The following SYTL2 variants were observed in gnomAD, a reference collection of about 807,000 sequenced individuals.
SYTL2 encodes the protein synaptotagmin-like protein 2.
A neutral mutation model predicts 198.7 loss-of-function variants in SYTL2; 165 were observed. The ratio of observed to expected loss-of-function variants is 0.83; its 90% CI spans 0.73 to 0.94. The LOEUF (loss-of-function observed/expected upper bound fraction) is 0.94. Ranked by LOEUF, SYTL2 falls within the 40% of genes least tolerant of loss-of-function variation. SYTL2 has a pLI of 0.00. For synonymous variants in SYTL2, 966 were observed against 917.7 expected (o/e 1.05, Z -0.95); for missense variants, 2,835 against 2,582.8 (o/e 1.10, Z -2.12).
the SYTL2 span, among the ~76,000 whole-genome samples, chr11:85,846,888 C>T: frequency 6.6e-6 from 1 of 151,810 alleles, no homozygotes; most frequent in East Asian, 1.9e-4. Context: ...GCATGCACCA[C>T]CACACCCAGC....
intron 1 of SYTL2, among the ~76,000 whole-genome samples, chr11:85,780,370 T>G (rs1283126130): frequency 6.6e-6 from 1 of 152,216 alleles, no homozygotes; most frequent in African/African-American, 2.4e-5. Flanking sequence ...AGGTGATAAC[T>G]GGTGGCTGGC....
intron 1 of SYTL2, among the ~76,000 whole-genome samples, chr11:85,768,917 G>A (rs982525664): frequency 2.0e-5 from 3 of 152,128 alleles, no homozygotes; most frequent in Non-Finnish European, 4.4e-5. Context: ...TGGTTCTGCA[G>A]TAACAGCCCT....
rs748449591 is a variant in SYTL2 at position 85,725,751 on chromosome 11, T to C, written c.3607A>G (p.Lys1203Glu). The change falls in exon 8 of 20, where the codon AAG becomes GAG. Residue 1203 changes from lysine (K) to glutamate (E), a missense_variant. Around this residue, in one of 3 missense-constraint regions of SYTL2, gnomAD observed 2,645 missense variants for 2,381.7 expected, o/e 1.11. Coordinates refer to ENST00000359152, the MANE Select transcript of SYTL2 (RefSeq NM_206927.4). ...GCAGTCAAAGAGTTCCGTTTAACCT[T>C]TGGATGAACTACTGTTTTGTCAACA... The part of the protein sequence containing the change: ...EHVDKTVVHP[K>E]VKRNSLTASL... 9 of 1,614,048 alleles carry C rather than the reference T, an allele frequency of 5.6e-6. No homozygotes were observed. In the African/African-American group the frequency reaches 6.7e-5, roughly 12 times the overall value.
chr11:85,747,003 C>T, intron 3 of SYTL2, among the ~76,000 whole-genome samples: 1 of 152,200 alleles, frequency 6.6e-6, no homozygotes, highest in East Asian at 1.9e-4. Flanking sequence ...AATTAAATGC[C>T]TATCCTATAT....
At chr11:85,742,376 C>T (rs141666333) in intron 4 of SYTL2, among the ~76,000 whole-genome samples, 1 of 152,198 alleles carries the variant, frequency 6.6e-6, no homozygotes, top group East Asian at 1.9e-4. Context: ...ACCTCATTTA[C>T]GGACAGGGTC....
chr11:85,806,479 C>T (rs1223727780), intron 1 of SYTL2, among the ~76,000 whole-genome samples: 3 of 152,218 alleles, frequency 2.0e-5, no homozygotes, highest in Admixed American at 6.5e-5. Context: ...TTTAAACCTG[C>T]TTTCATTATA....
In SYTL2 at chr11:85,735,293, A is replaced by C. The variant is rs192523291; in HGVS notation, c.587-551T>G. Among the ~76,000 whole-genome samples, 189 of 152,330 alleles carry C rather than the reference A, an allele frequency of 1.2e-3. 1 individual carries two copies. Among genetic ancestry groups the C allele is most frequent in the African/African-American group, 4.2e-3 (176 of 41,568 alleles). ...ACTGTGCTTTATATAGTTTGTGATT[A>C]TTTTACACCCAATACAGAAAGTTTT... On this transcript the variant is annotated intron_variant, in intron 6 of 19. Coordinates refer to ENST00000359152, the MANE Select transcript of SYTL2 (RefSeq NM_206927.4).
At chr11:85,803,661 A>T (rs1418654099) in intron 1 of SYTL2, among the ~76,000 whole-genome samples, 1 of 152,356 alleles carries the variant, frequency 6.6e-6, no homozygotes, top group East Asian at 1.9e-4. Context: ...GCATGAATAT[A>T]ACATCTTTCC....
chr11:85,714,745 A>T, intron 11 of SYTL2: 1 of 1,113,172 alleles, frequency 9.0e-7, no homozygotes, highest in African/African-American at 1.6e-5. Flanking sequence ...TTAATTTTAA[A>T]AACATTAGTT....
In SYTL2 at chr11:85,707,575, T is replaced by C. The variant is rs753933202; in HGVS notation, c.5916-44A>G. ...CAGACAAAGTCAAAGAAAATAAAAGTTATGTTTCCACCTCTAGTTTTTTAA... is the reference window on the plus strand; with the variant it reads ...CAGACAAAGTCAAAGAAAATAAAAGCTATGTTTCCACCTCTAGTTTTTTAA... On this transcript the variant is annotated intron_variant, in intron 14 of 19. Coordinates refer to ENST00000359152, the MANE Select transcript of SYTL2 (RefSeq NM_206927.4). The C allele has an allele frequency of 1.8e-5, 23 of 1,257,346 alleles. No homozygotes were observed. In the South Asian group the frequency reaches 2.9e-4, roughly 16 times the overall value. 77.9% of individuals were successfully genotyped at this position (1,257,346 alleles called of 1,614,324 possible). A position where few individuals can be genotyped will look rare whatever the true frequency, so the allele number is the denominator to read the frequency against.
chr11:85,770,132 T>G (rs567315087), intron 1 of SYTL2, among the ~76,000 whole-genome samples: 1 of 152,288 alleles, frequency 6.6e-6, no homozygotes, highest in South Asian at 2.1e-4. Flanking sequence ...TGTGCTCAAG[T>G]CAAGTTATTG....
intron 18 of SYTL2, among the ~76,000 whole-genome samples, chr11:85,697,346 A>G (rs1334608183): frequency 6.6e-6 from 1 of 152,170 alleles, no homozygotes; most frequent in Non-Finnish European, 1.5e-5. Context: ...TACCAGATAT[A>G]TGTCACATAT....
In SYTL2 at chr11:85,760,696, C is replaced by T. The variant is rs528204202; in HGVS notation, c.-389-2582G>A. Among the ~76,000 whole-genome samples, 6 of 152,210 alleles carry T rather than the reference C, an allele frequency of 3.9e-5. No individual in the cohort carries two copies. In the South Asian group the frequency reaches 1.2e-3, roughly 32 times the overall value. On this transcript the variant is annotated intron_variant, in intron 1 of 19. Coordinates refer to ENST00000359152, the MANE Select transcript of SYTL2 (RefSeq NM_206927.4). Reference sequence around the variant, plus strand: ...ACAATGAAAAACTTAGGTCGTCTAGCAGTGGTAACTGGCAGGGTTGCTGAA... The same window carrying T: ...ACAATGAAAAACTTAGGTCGTCTAGTAGTGGTAACTGGCAGGGTTGCTGAA...
intron 10 of SYTL2, chr11:85,718,536 C>G (rs1285254479): frequency 4.5e-6 from 2 of 448,286 alleles, no homozygotes; most frequent in Non-Finnish European, 7.9e-6. Context: ...ATACAATTTT[C>G]TATTTATAGA....
intron 1 of SYTL2, among the ~76,000 whole-genome samples, chr11:85,791,166 CAAAAAAAAAAAAAAA>C (rs568061365): frequency 1.0e-4 from 4 of 39,516 alleles, no homozygotes; most frequent in African/African-American, 1.3e-4. Context: ...GAGTCTGCCT[CAAAAAAAAAAAAAAA>C]AAAAAAAAAA....
chr11:85,757,134 T>C (rs1032442635), intron 2 of SYTL2, among the ~76,000 whole-genome samples: 1 of 152,212 alleles, frequency 6.6e-6, no homozygotes, highest in Non-Finnish European at 1.5e-5. Context: ...AAATGAAAAA[T>C]TGGCTCAGAG....
intron 2 of SYTL2, 36 bp from the exon 3 acceptor site, chr11:85,748,459 C>A (rs1436768989): frequency 6.2e-7 from 1 of 1,608,304 alleles, no homozygotes; most frequent in Non-Finnish European, 8.5e-7. Context: ...TGCTGAGAAC[C>A]CACAGTAAAT....
the SYTL2 span, among the ~76,000 whole-genome samples, chr11:85,822,308 AC>A: frequency 1.3e-5 from 2 of 152,150 alleles, no homozygotes; most frequent in Non-Finnish European, 2.9e-5. Context: ...CTTGGAGCCC[AC>A]CCCTTGCAGC....
intron 7 of SYTL2, among the ~76,000 whole-genome samples, chr11:85,733,268 A>C (rs1463851506): frequency 6.6e-6 from 1 of 152,236 alleles, no homozygotes; most frequent in East Asian, 1.9e-4. Context: ...GAGTAATAAT[A>C]CATTTACCCT....
Sources: allele counts gnomAD v4.1 joint callset (sites outside exome capture counted in the v4.1 genomes callset), GRCh38; gene constraint gnomAD v4.1.1; regional missense constraint gnomAD v4.1.1; transcripts MANE v1.5; gene names NCBI Gene and HGNC (gene_info 2026-07-23, HGNC 2026-07-21).